The following FSTL4 variants were observed in gnomAD, a reference collection of about 807,000 sequenced individuals.
FSTL4 encodes follistatin like 4, also known as follistatin-related protein 4.
Under a neutral mutation model 78.2 loss-of-function variants are expected in FSTL4, and 28 were observed. The observed-to-expected ratio is 0.36, with a 90% CI of 0.27 to 0.49. The LOEUF is 0.49. Among genes scored for constraint, FSTL4 ranks in the 20% least tolerant of loss-of-function variants. The pLI is 0.98. For missense variants in FSTL4, 922 were observed against 1,084.9 expected, an observed-to-expected ratio of 0.85 and a Z score of 2.11; for synonymous variants, 422 against 440.5, an observed-to-expected ratio of 0.96 and a Z score of 0.53.
intron 6 of FSTL4, among the ~76,000 whole-genome samples, chr5:133,273,367 TTCAGGTGC>T (rs1340042516): frequency 1.3e-5 from 2 of 152,228 alleles, no homozygotes; most frequent in Non-Finnish European, 2.9e-5. Context: ...CTAGCCTAAT[TTCAGGTGC>T]TCAGCAGCCA....
intron 3 of FSTL4, among the ~76,000 whole-genome samples, chr5:133,448,106 CT>C (rs1757303920): frequency 6.6e-6 from 1 of 152,216 alleles, no homozygotes; most frequent in Admixed American, 6.5e-5. Flanking sequence ...TGAGAACACA[CT>C]TTAAATTAAG....
chr5:133,299,705 C>G (rs1395409689), intron 6 of FSTL4, among the ~76,000 whole-genome samples: 2 of 152,152 alleles, frequency 1.3e-5, no homozygotes, highest in East Asian at 3.9e-4. Context: ...GCCAGAGCTC[C>G]CTGAAAGGCT....
chr5:133,757,559 C>T, the FSTL4 span, among the ~76,000 whole-genome samples: 2 of 152,242 alleles, frequency 1.3e-5, no homozygotes, highest in South Asian at 2.1e-4. Context: ...ATGGATTTGG[C>T]GTCATGCTAC....
At chr5:133,385,830 C>G (rs1206986385) in intron 4 of FSTL4, among the ~76,000 whole-genome samples, 2 of 152,154 alleles carry the variant, frequency 1.3e-5, no homozygotes, top group Non-Finnish European at 2.9e-5. Flanking sequence ...GCTAACAACA[C>G]GGGCACATGT....
intron 5 of FSTL4, 77 bp from the exon 6 acceptor site, chr5:133,312,854 C>T (rs1753820328): frequency 6.8e-7 from 1 of 1,476,864 alleles, no homozygotes; most frequent in African/African-American, 1.4e-5. Context: ...TGACTCAGGC[C>T]AAGAGGGAAT....
At chr5:133,275,889 G>A (rs1348517264) in intron 6 of FSTL4, 1 of 152,206 alleles carries the variant, frequency 6.6e-6, no homozygotes, top group Non-Finnish European at 1.5e-5. Context: ...ACAGCAGCCT[G>A]CCCCAGAGTC....
At chr5:133,336,366 C>T (rs1410963424) in intron 4 of FSTL4, among the ~76,000 whole-genome samples, 1 of 152,266 alleles carries the variant, frequency 6.6e-6, no homozygotes, top group Admixed American at 6.5e-5. Flanking sequence ...GAGGCTCGAG[C>T]CCTGCTCTCC....
the FSTL4 span, among the ~76,000 whole-genome samples, chr5:133,753,728 T>TGTGTGTGTGTGTGTG: frequency 8.1e-5 from 2 of 24,584 alleles, no homozygotes; most frequent in African/African-American, 2.2e-4. Flanking sequence ...TGTGTGTGTG[T>TGTGTGTGTGTGTGTG]AGTGGCAGGG....
At chr5:133,775,472 G>A in the FSTL4 span, among the ~76,000 whole-genome samples, 7 of 152,252 alleles carry the variant, frequency 4.6e-5, no homozygotes, top group East Asian at 1.9e-4. Context: ...ATTCAGCCCC[G>A]AAAGTCAGTA....
intron 6 of FSTL4, among the ~76,000 whole-genome samples, chr5:133,264,409 C>T (rs564562816): frequency 2.6e-5 from 4 of 152,234 alleles, no homozygotes; most frequent in Non-Finnish European, 4.4e-5. Context: ...TCTGGGGAGG[C>T]CCCCTGTCAT....
At chr5:133,515,476 C>T (rs1580759127) in intron 3 of FSTL4, among the ~76,000 whole-genome samples, 1 of 151,036 alleles carries the variant, frequency 6.6e-6, no homozygotes, top group East Asian at 1.9e-4. Flanking sequence ...ATATATGAGG[C>T]ACTGAGAGAT....
the FSTL4 span, among the ~76,000 whole-genome samples, chr5:133,765,491 G>C: frequency 6.6e-6 from 1 of 152,192 alleles, no homozygotes; most frequent in Non-Finnish European, 1.5e-5. Context: ...CAGCCAGCAA[G>C]GGACACCTCA....
the FSTL4 span, among the ~76,000 whole-genome samples, chr5:133,653,489 G>A: frequency 6.6e-6 from 1 of 152,106 alleles, no homozygotes; most frequent in Admixed American, 6.6e-5. Flanking sequence ...TCCAACTCAG[G>A]CCCCTGCCTA....
In FSTL4 at chr5:133,478,401, G is replaced by A. The variant is rs939184710; in HGVS notation, c.161-77415C>T. 5.9e-5 allele frequency among the ~76,000 whole-genome samples: 9 copies of A among 152,268 alleles called. No homozygotes were observed. The East Asian group carries it at 7.7e-4, about 13-fold the overall frequency. On this transcript the variant is annotated intron_variant, in intron 3 of 15. Coordinates refer to ENST00000265342, the MANE Select transcript of FSTL4 (RefSeq NM_015082.2). ...TCTGGACTGCTTCCATAACCCACTCGGGTTCAGACCACAGGAAGGAGCATC... is the reference window on the plus strand; with the variant it reads ...TCTGGACTGCTTCCATAACCCACTCAGGTTCAGACCACAGGAAGGAGCATC...
At chr5:133,374,292 C>G (rs1755382471) in intron 4 of FSTL4, among the ~76,000 whole-genome samples, 1 of 152,162 alleles carries the variant, frequency 6.6e-6, no homozygotes, top group African/African-American at 2.4e-5. Context: ...AAGTCCCTTT[C>G]TGGACAAGGG....
chr5:133,675,650 A>T, the FSTL4 span, among the ~76,000 whole-genome samples: 1 of 152,208 alleles, frequency 6.6e-6, no homozygotes, highest in Non-Finnish European at 1.5e-5. Context: ...GGGTCACATG[A>T]GGGCTTTCTG....
chr5:133,373,387 AG>A (rs1439245114), intron 4 of FSTL4, among the ~76,000 whole-genome samples: 1 of 152,294 alleles, frequency 6.6e-6, no homozygotes, highest in African/African-American at 2.4e-5. Flanking sequence ...GTTTTTTCCG[AG>A]GGTAACTTCC....
At chr5:133,482,981 C>G (rs529355650) in intron 3 of FSTL4, among the ~76,000 whole-genome samples, 2 of 152,198 alleles carry the variant, frequency 1.3e-5, no homozygotes, top group African/African-American at 2.4e-5. Flanking sequence ...GCTGTGTCCC[C>G]ACCCAAATCT....
At chr5:133,355,024 G>T (rs1754912834) in intron 4 of FSTL4, among the ~76,000 whole-genome samples, 1 of 152,256 alleles carries the variant, frequency 6.6e-6, no homozygotes, top group Non-Finnish European at 1.5e-5. Flanking sequence ...TCTGGCTGTG[G>T]TTGATGCTGA....
Sources: gnomAD v4.1 joint callset for allele counts (sites outside exome capture counted in the v4.1 genomes callset) on GRCh38, gnomAD v4.1.1 for gene constraint, MANE v1.5 for transcripts, NCBI Gene and HGNC (gene_info 2026-07-23, HGNC 2026-07-21) for gene names.